The following SHROOM4 variants were observed in gnomAD, a reference collection of about 807,000 sequenced individuals.
The protein encoded by SHROOM4 is shroom family member 4, also known as protein Shroom4.
SHROOM4 carries 17 observed loss-of-function variants against 80.3 expected under a neutral mutation model. The ratio of observed to expected loss-of-function variants is 0.21; its 90% CI spans 0.14 to 0.32. The LOEUF is 0.32. SHROOM4 is among the 10% of genes least tolerant of loss of function. The probability of loss-of-function intolerance (pLI) is 1.00; values close to 1 mark genes in which losing one functional copy is unlikely to be tolerated. For synonymous variants in SHROOM4, 400 were observed against 437.5 expected, an observed-to-expected ratio of 0.91 and a Z score of 1.07; for missense variants, 993 against 1,140.3, an observed-to-expected ratio of 0.87 and a Z score of 1.86.
chrX:50,728,988 T>C (rs1557266095), intron 1 of SHROOM4, among the ~76,000 whole-genome samples: 1 of 63,073 alleles, frequency 1.6e-5, no homozygotes, highest in Non-Finnish European at 2.9e-5. Context: ...ACCAAACAAA[T>C]AACAGCAAGT....
At chrX:50,601,362 C>A (rs782754874) in intron 7 of SHROOM4, among the ~76,000 whole-genome samples, 13 of 112,289 alleles carry the variant, frequency 1.2e-4, no homozygotes, top group Non-Finnish European at 2.3e-4. Flanking sequence ...TCCAAGGAAG[C>A]AGACATCTGC....
intron 2 of SHROOM4, among the ~76,000 whole-genome samples, chrX:50,679,600 T>G (rs2147411592): frequency 9.0e-6 from 1 of 111,580 alleles, no homozygotes; most frequent in African/African-American, 3.2e-5. Flanking sequence ...ACTTTGGGGG[T>G]ACGTGATATT....
chrX:50,651,856 G>C (rs1932087963), intron 2 of SHROOM4, among the ~76,000 whole-genome samples: 1 of 110,405 alleles, frequency 9.1e-6, no homozygotes, highest in East Asian at 2.9e-4. Flanking sequence ...TCCTGTGTTA[G>C]TTTACCTAGA....
chrX:50,638,838 C>T (rs1557256671), intron 2 of SHROOM4, among the ~76,000 whole-genome samples: 1 of 112,764 alleles, frequency 8.9e-6, no homozygotes, highest in African/African-American at 3.2e-5. Flanking sequence ...GAATCCAATA[C>T]AGTCTTTGCT....
At chrX:50,699,408 G>T (rs1451176710) in intron 1 of SHROOM4, among the ~76,000 whole-genome samples, 1 of 111,782 alleles carries the variant, frequency 8.9e-6, no homozygotes, top group African/African-American at 3.3e-5. Context: ...GACAGCTCTG[G>T]GCCTTTTCAG....
intron 2 of SHROOM4, among the ~76,000 whole-genome samples, chrX:50,651,603 T>A (rs915296682): frequency 4.5e-5 from 5 of 111,844 alleles, no homozygotes; most frequent in Admixed American, 2.8e-4. Flanking sequence ...GTTTTTATAC[T>A]TTACTTTCTG....
In SHROOM4 at chrX:50,587,899, T is replaced by C. The variant is rs958578885; in HGVS notation, c.*8796A>G. ...AATGAGGATTTCTGCTTTAAAAATG[T>C]ATGTTTAGATAGAAAAATAGTGTAA... On this transcript the variant is annotated 3_prime_UTR_variant, in exon 9 of 9. Transcript: ENST00000376020. Among the ~76,000 whole-genome samples, 5 of 112,351 alleles carry C rather than the reference T, an allele frequency of 4.5e-5. No individual in the cohort carries two copies. Among genetic ancestry groups the C allele is most frequent in the Non-Finnish European group, 9.4e-5 (5 of 53,235 alleles).
intron 1 of SHROOM4, among the ~76,000 whole-genome samples, chrX:50,813,139 CGGCGGCGGCGGCGGCGGCAGT>C (rs1348843321): frequency 2.5e-4 from 23 of 90,389 alleles, no homozygotes; most frequent in African/African-American, 4.5e-4. Context: ...CAAACCCTGG[CGGCGGCGGCGGCGGCGGCAGT>C]GGCGGCGGCG....
chrX:50,631,923 A>G (rs1231235813), intron 4 of SHROOM4, among the ~76,000 whole-genome samples: 1 of 111,829 alleles, frequency 8.9e-6, no homozygotes, highest in African/African-American at 3.3e-5. Context: ...TACTTCAAAC[A>G]CACTTCAGCA....
chrX:50,650,075 C>G (rs1931981770), intron 2 of SHROOM4, among the ~76,000 whole-genome samples: 1 of 111,895 alleles, frequency 8.9e-6, no homozygotes. Flanking sequence ...TTTTTGAAGA[C>G]TACTTAATGA....
At chrX:50,598,558 G>T (rs1929235702) in intron 7 of SHROOM4, 23 bp from the exon 8 acceptor site, 5 of 1,193,145 alleles carry the variant, frequency 4.2e-6, no homozygotes, top group Non-Finnish European at 5.6e-6. Flanking sequence ...AACAGGAGAA[G>T]ACAAAGGATG....
At chrX:50,765,282 G>C (rs781969061) in intron 1 of SHROOM4, among the ~76,000 whole-genome samples, 13 of 112,167 alleles carry the variant, frequency 1.2e-4, no homozygotes, top group African/African-American at 3.9e-4. Flanking sequence ...CAACAAGAAA[G>C]AAAATATTTC....
intron 2 of SHROOM4, among the ~76,000 whole-genome samples, chrX:50,671,165 A>G (rs1367029318): frequency 2.7e-5 from 3 of 111,963 alleles, no homozygotes; most frequent in African/African-American, 6.5e-5. Flanking sequence ...ACCCTGCTGT[A>G]AACAGATGTG....
chrX:50,651,928 C>T (rs1932094544), intron 2 of SHROOM4, among the ~76,000 whole-genome samples: 1 of 111,774 alleles, frequency 8.9e-6, no homozygotes, highest in Non-Finnish European at 1.9e-5. Flanking sequence ...ATTTTTATGG[C>T]TGCATAGTAT....
chrX:50,678,305 C>A (rs902010324), intron 2 of SHROOM4, among the ~76,000 whole-genome samples: 3 of 111,201 alleles, frequency 2.7e-5, no homozygotes, highest in Non-Finnish European at 5.7e-5. Context: ...CTATGCAATT[C>A]CTCTTTTGCT....
At chrX:50,578,690 T>C in the SHROOM4 span, among the ~76,000 whole-genome samples, 1 of 111,840 alleles carries the variant, frequency 8.9e-6, no homozygotes, top group Non-Finnish European at 1.9e-5. Context: ...TCCACCCACC[T>C]CGGCCTCCCA....
chrX:50,598,943 G>A (rs903947722), intron 7 of SHROOM4, among the ~76,000 whole-genome samples: 24 of 110,416 alleles, frequency 2.2e-4, no homozygotes, highest in South Asian at 4.0e-4. Context: ...CTTGCGTCTC[G>A]GCCTCCTAAG....
intron 1 of SHROOM4, among the ~76,000 whole-genome samples, chrX:50,724,973 C>T (rs1041300444): frequency 3.6e-5 from 4 of 111,877 alleles, no homozygotes; most frequent in Non-Finnish European, 7.5e-5. Flanking sequence ...TGGAAATTGT[C>T]CTAATGGCTT....
intron 2 of SHROOM4, among the ~76,000 whole-genome samples, chrX:50,688,790 T>C (rs1933147348): frequency 9.1e-6 from 1 of 110,087 alleles, no homozygotes; most frequent in African/African-American, 3.3e-5. Context: ...TAGGAAGGAC[T>C]CAGGAGTTTT....
Sources: gnomAD v4.1 joint callset for allele counts (sites outside exome capture counted in the v4.1 genomes callset) on GRCh38, gnomAD v4.1.1 for gene constraint, MANE v1.5 for transcripts, NCBI Gene and HGNC (gene_info 2026-07-23, HGNC 2026-07-21) for gene names.